MED12L: variants seen among roughly 807,000 people sequenced by gnomAD.
MED12L encodes the protein mediator of RNA polymerase II transcription subunit 12-like protein.
Under a neutral mutation model 281.3 loss-of-function variants are expected in MED12L, and 60 were observed. The ratio of observed to expected loss-of-function variants is 0.21; its 90% CI spans 0.17 to 0.26. MED12L has a LOEUF of 0.26. Among genes scored for constraint, MED12L ranks in the 10% least tolerant of loss-of-function variants. The pLI, the probability that MED12L is intolerant of heterozygous loss-of-function variation, is 1.00. For missense variants in MED12L, 2,146 were observed against 2,680.9 expected (o/e 0.80, Z 4.41); for synonymous variants, 974 against 987.2 (o/e 0.99, Z 0.25).
chr3:151,102,877 G>A (rs1476213730), intron 2 of MED12L, among the ~76,000 whole-genome samples: 2 of 152,180 alleles, frequency 1.3e-5, no homozygotes, highest in Non-Finnish European at 2.9e-5. Flanking sequence ...GTCAGAGATG[G>A]AATTGAGGTG....
intron 16 of MED12L, among the ~76,000 whole-genome samples, chr3:151,284,538 T>C (rs1175723941): frequency 6.6e-6 from 1 of 152,218 alleles, no homozygotes; most frequent in Non-Finnish European, 1.5e-5. Flanking sequence ...TAGGCTATTA[T>C]GTGTGGACCT....
chr3:151,201,244 C>CTG (rs1725540739), intron 16 of MED12L, among the ~76,000 whole-genome samples: 1 of 152,132 alleles, frequency 6.6e-6, no homozygotes, highest in Non-Finnish European at 1.5e-5. Context: ...CTCTCTCTCT[C>CTG]TCACACGCAC....
At chr3:151,129,767 CTTAT>C (rs1229702620) in intron 5 of MED12L, among the ~76,000 whole-genome samples, 18 of 148,474 alleles carry the variant, frequency 1.2e-4, no homozygotes, top group Admixed American at 3.4e-4. Flanking sequence ...ACTGGATTAA[CTTAT>C]TTATTTATTT....
intron 39 of MED12L, among the ~76,000 whole-genome samples, chr3:151,399,096 T>C (rs1715336138): frequency 6.6e-6 from 1 of 152,178 alleles, no homozygotes; most frequent in African/African-American, 2.4e-5. Context: ...TGTATTTAGA[T>C]GGGACTCAGT....
intron 25 of MED12L, 50 bp from the exon 26 acceptor site, chr3:151,369,386 A>C (rs776676059): frequency 7.9e-7 from 1 of 1,272,354 alleles, no homozygotes; most frequent in Non-Finnish European, 1.1e-6. Flanking sequence ...TAATTACAAA[A>C]CATTACTAAT....
chr3:151,319,043 T>C (rs1233352978), intron 16 of MED12L, among the ~76,000 whole-genome samples: 1 of 152,166 alleles, frequency 6.6e-6, no homozygotes, highest in African/African-American at 2.4e-5. Context: ...AGCGCAAATT[T>C]AGTATAGTAA....
intron 17 of MED12L, among the ~76,000 whole-genome samples, chr3:151,351,634 T>C (rs921904286): frequency 6.6e-6 from 1 of 152,206 alleles, no homozygotes; most frequent in African/African-American, 2.4e-5. Context: ...TGAAACTAGC[T>C]AGCAAAGAAT....
chr3:151,416,455 G>T (rs1018836020), intron 43 of MED12L, 33 bp downstream of exon 43: 1 of 1,605,912 alleles, frequency 6.2e-7, no homozygotes, highest in African/African-American at 1.3e-5. Flanking sequence ...CAGACATGTG[G>T]GTTTCTTCTT....
At chr3:151,426,026 TCAC>T (rs2108454246) in intron 43 of MED12L, among the ~76,000 whole-genome samples, 1 of 152,324 alleles carries the variant, frequency 6.6e-6, no homozygotes, top group South Asian at 2.1e-4. Flanking sequence ...ACTTCATTTA[TCAC>T]ATTTGAATAG....
chr3:151,146,193 C>T (rs192342778), intron 5 of MED12L, among the ~76,000 whole-genome samples: 1 of 152,234 alleles, frequency 6.6e-6, no homozygotes, highest in African/African-American at 2.4e-5. Context: ...GAACCAGCAC[C>T]CTCTGGTGAC....
chr3:151,381,921 G>A (rs1712427119), intron 32 of MED12L, among the ~76,000 whole-genome samples: 1 of 152,172 alleles, frequency 6.6e-6, no homozygotes, highest in South Asian at 2.1e-4. Flanking sequence ...CTTTTAAGAT[G>A]ACTCTCATTA....
chr3:151,144,148 G>A (rs1166034846), intron 5 of MED12L, among the ~76,000 whole-genome samples: 1 of 152,182 alleles, frequency 6.6e-6, no homozygotes, highest in Non-Finnish European at 1.5e-5. Context: ...AGCTGGTGGT[G>A]TGACTGATGT....
intron 16 of MED12L, among the ~76,000 whole-genome samples, chr3:151,220,202 A>G (rs1449364520): frequency 6.6e-6 from 1 of 150,994 alleles, no homozygotes; most frequent in African/African-American, 2.4e-5. Flanking sequence ...GAGGGACAAA[A>G]TTGCCCTCAT....
chr3:151,092,816 C>A, intron 2 of MED12L, among the ~76,000 whole-genome samples: 1 of 152,318 alleles, frequency 6.6e-6, no homozygotes, highest in Non-Finnish European at 1.5e-5. Flanking sequence ...TGCTGCAGAC[C>A]TCCCAGAATC....
At chr3:151,253,871 A>G (rs1737298933) in intron 16 of MED12L, among the ~76,000 whole-genome samples, 1 of 152,148 alleles carries the variant, frequency 6.6e-6, no homozygotes, top group South Asian at 2.1e-4. Context: ...CTCCACTGAA[A>G]AAGGTCTTTC....
intron 2 of MED12L, among the ~76,000 whole-genome samples, chr3:151,115,637 G>T (rs1319908165): frequency 6.6e-6 from 1 of 151,560 alleles, no homozygotes; most frequent in South Asian, 2.1e-4. Context: ...ATGAGCCACC[G>T]CGCCCGGCCT....
At chr3:151,105,006 C>G (rs776610787) in intron 2 of MED12L, among the ~76,000 whole-genome samples, 3 of 152,126 alleles carry the variant, frequency 2.0e-5, no homozygotes, top group Non-Finnish European at 4.4e-5. Flanking sequence ...AAAGAATGTC[C>G]CATGCACAGG....
intron 6 of MED12L, among the ~76,000 whole-genome samples, chr3:151,157,594 AT>A (rs1719454205): frequency 6.6e-6 from 1 of 152,158 alleles, no homozygotes; most frequent in Non-Finnish European, 1.5e-5. Context: ...AACTCACTTT[AT>A]TGGTCTTAAA....
At chr3:151,272,392 A>G (rs1045055703) in intron 16 of MED12L, among the ~76,000 whole-genome samples, 12 of 152,220 alleles carry the variant, frequency 7.9e-5, no homozygotes, top group South Asian at 2.1e-4. Flanking sequence ...TTATCAGTCT[A>G]TCATTTCCCA....
Sources: allele counts gnomAD v4.1 joint callset (sites outside exome capture counted in the v4.1 genomes callset), GRCh38; gene constraint gnomAD v4.1.1; transcripts MANE v1.5; gene names NCBI Gene and HGNC (gene_info 2026-07-23, HGNC 2026-07-21).